Variants in ARHGAP32 observed in about 807,000 individuals in gnomAD.
The protein encoded by ARHGAP32 is Rho GTPase activating protein 32.
A neutral mutation model predicts 186.5 loss-of-function variants in ARHGAP32; 51 were observed. The observed-to-expected ratio is 0.27, with a 90% confidence interval of 0.22 to 0.35. The LOEUF is 0.35. Among genes scored for constraint, ARHGAP32 ranks in the 10% least tolerant of loss-of-function variants. The probability of loss-of-function intolerance (pLI) is 1.00; values close to 1 mark genes in which losing one functional copy is unlikely to be tolerated. For missense variants in ARHGAP32, 2,186 were observed against 2,623.5 expected (o/e 0.83, Z 3.64); for synonymous variants, 950 against 964.3 (o/e 0.99, Z 0.27).
rs1008447319 is a variant in ARHGAP32, at chr11:129,173,754, G to T, written c.117-9327C>A. 2.6e-5 allele frequency among the ~76,000 whole-genome samples: 4 copies of T among 152,108 alleles called. No individual in the cohort carries two copies. In the South Asian group the frequency reaches 6.2e-4, roughly 24 times the overall value. On this transcript the variant is annotated intron_variant, in intron 1 of 22. Coordinates refer to ENST00000682385, the MANE Select transcript of ARHGAP32 (RefSeq NM_001378024.1). ...CATAAATTCTTTAAAATATTTTAAT[G>T]AAAATTATTGAAAAACACAAATACA... is the stretch of plus-strand genomic sequence containing the variant.
chr11:129,176,874 G>T (rs1034397552), intron 1 of ARHGAP32, among the ~76,000 whole-genome samples: 1 of 152,138 alleles, frequency 6.6e-6, no homozygotes, highest in African/African-American at 2.4e-5. Context: ...ACAATTAAAA[G>T]AACTGGAAAA....
intron 5 of ARHGAP32, among the ~76,000 whole-genome samples, chr11:129,112,249 A>C (rs558581639): frequency 6.2e-4 from 94 of 152,026 alleles, no homozygotes; most frequent in Middle Eastern, 3.4e-3. Flanking sequence ...AAAAAAAAAA[A>C]ATTTCACCAT....
chr11:128,982,939 A>G (rs1945752621), intron 15 of ARHGAP32, among the ~76,000 whole-genome samples: 1 of 151,698 alleles, frequency 6.6e-6, no homozygotes, highest in African/African-American at 2.4e-5. Flanking sequence ...GGGAGACAGA[A>G]ATATAAGGCT....
intron 11 of ARHGAP32, among the ~76,000 whole-genome samples, chr11:129,017,311 G>A (rs12275117): frequency 0.023 from 3,460 of 151,924 alleles, 69 homozygotes; most frequent in African/African-American, 0.053. Context: ...AAAATTAGCC[G>A]GGTGTGGTGG....
chr11:128,980,569 C>G lies in ARHGAP32; in HGVS notation c.1960G>C (p.Glu654Gln), dbSNP rs562615972. The change falls in exon 18 of 23, where the codon GAG becomes CAG. Residue 654 changes from glutamate to glutamine, a missense_variant. This residue lies in a region of ARHGAP32 where 263 missense variants were observed against 323.5 expected (regional missense o/e 0.81). Coordinates refer to ENST00000682385, the MANE Select transcript of ARHGAP32 (RefSeq NM_001378024.1). ...AAATTTTACCTTTCAAGTGGGAACT[C>G]AATTATGGTATGAAATTTCCCCTGA... ...ALQGKFHTII[E>Q]FPLERKRPQN... The G allele has an allele frequency of 5.0e-6, 8 of 1,611,554 alleles. No individual in the cohort carries two copies. The South Asian group carries it at 8.8e-5, about 18-fold the overall frequency.
At chr11:129,255,419 A>G (rs1945242251) in intron 1 of ARHGAP32, among the ~76,000 whole-genome samples, 1 of 152,072 alleles carries the variant, frequency 6.6e-6, no homozygotes, top group Non-Finnish European at 1.5e-5. Context: ...AAAAGATAAA[A>G]CCATAAAGCT....
chr11:129,151,283 G>A (rs951117780), intron 2 of ARHGAP32, among the ~76,000 whole-genome samples: 3 of 151,974 alleles, frequency 2.0e-5, no homozygotes, highest in African/African-American at 7.3e-5. Context: ...AATAATAGTG[G>A]GGAAATTCAA....
chr11:129,225,301 G>A (rs1409809347), intron 1 of ARHGAP32, among the ~76,000 whole-genome samples: 1 of 152,158 alleles, frequency 6.6e-6, no homozygotes, highest in Non-Finnish European at 1.5e-5. Context: ...GTACAGGGCT[G>A]TGTGTATGCT....
At chr11:129,186,730 C>T (rs947088998) in intron 1 of ARHGAP32, among the ~76,000 whole-genome samples, 6 of 152,086 alleles carry the variant, frequency 3.9e-5, no homozygotes, top group Admixed American at 6.6e-5. Context: ...TCTCAAAAGA[C>T]GGCAACAAAT....
chr11:129,100,518 C>T (rs919583383), intron 5 of ARHGAP32, among the ~76,000 whole-genome samples: 2 of 152,184 alleles, frequency 1.3e-5, no homozygotes, highest in Non-Finnish European at 2.9e-5. Flanking sequence ...CTCCACACAT[C>T]ACTTTGCTGG....
intron 10 of ARHGAP32, among the ~76,000 whole-genome samples, chr11:129,053,018 G>A (rs1940115640): frequency 1.3e-5 from 2 of 152,070 alleles, no homozygotes; most frequent in South Asian, 4.2e-4. Context: ...GTTTTTACAT[G>A]TATACATATG....
In ARHGAP32 at chr11:129,192,291, G is replaced by C. The variant is rs1355707155; in HGVS notation, c.-93C>G. ...GTTCAGCTCTACTCATGTATACTCA[G>C]ATGTGTGTCTGGTGCCCTAGTGACA... On this transcript the variant is annotated 5_prime_UTR_variant, in exon 1 of 23. In the 5' UTR this introduces an upstream ATG that the reference lacks. Coordinates refer to ENST00000682385, the MANE Select transcript of ARHGAP32 (RefSeq NM_001378024.1). The C allele has an allele frequency of 3.5e-5, 29 of 838,428 alleles. No individual in the cohort carries two copies. In the South Asian group the frequency reaches 3.5e-4, roughly 10 times the overall value. The allele number at this position is 838,428 out of a possible 1,614,324, so 51.9% of individuals were successfully genotyped here. A position where few individuals can be genotyped will look rare whatever the true frequency, so the allele number is the denominator to read the frequency against.
At chr11:129,009,726 T>C (rs960368396) in intron 11 of ARHGAP32, among the ~76,000 whole-genome samples, 2 of 152,218 alleles carry the variant, frequency 1.3e-5, no homozygotes, top group South Asian at 4.1e-4. Context: ...TTTTTTAATC[T>C]AGTCTATCAC....
At chr11:129,244,284 T>C (rs1945057798) in intron 1 of ARHGAP32, among the ~76,000 whole-genome samples, 1 of 152,208 alleles carries the variant, frequency 6.6e-6, no homozygotes, top group South Asian at 2.1e-4. Context: ...TTTGTCAACA[T>C]TTAACACTAT....
chr11:128,972,738 G>C lies in ARHGAP32; in HGVS notation c.3768C>G (p.Ser1256Arg). The C allele has an allele frequency of 1.2e-6, 2 of 1,613,954 alleles. No individual in the cohort carries two copies. The highest frequency in any genetic ancestry group is 1.7e-6 in the Non-Finnish European group (2 of 1,180,018). ...DKSPTPPNLP[S>R]DKIYPPSGSP... ...ACCCAGAAGGAGGGTAGATTTTATC[G>C]CTAGGTAAATTAGGAGGTGTGGGAG... Residue 1256 changes from serine to arginine, a missense_variant, in exon 22 of 23, where the codon AGC (serine) becomes AGG (arginine). Ser to Arg is a moderately radical substitution (Grantham distance 110). This residue lies in a region of ARHGAP32 where 1,502 missense variants were observed against 1,570.0 expected (regional missense o/e 0.96). Coordinates refer to ENST00000682385, the MANE Select transcript of ARHGAP32 (RefSeq NM_001378024.1).
intron 1 of ARHGAP32, among the ~76,000 whole-genome samples, chr11:129,198,376 T>C (rs770638866): frequency 1.2e-4 from 19 of 152,232 alleles, no homozygotes; most frequent in Non-Finnish European, 2.8e-4. Context: ...AAGGTTTGGC[T>C]GTGTCCCCAC....
intron 1 of ARHGAP32, among the ~76,000 whole-genome samples, chr11:129,216,905 G>GT (rs1555113850): frequency 5.3e-5 from 8 of 150,292 alleles, no homozygotes; most frequent in African/African-American, 1.2e-4. Flanking sequence ...ATTTACTGAA[G>GT]TTTTTTTTTC....
chr11:129,131,391 G>A (rs575857962), intron 2 of ARHGAP32, among the ~76,000 whole-genome samples: 17 of 152,018 alleles, frequency 1.1e-4, no homozygotes, highest in Non-Finnish European at 1.6e-4. Flanking sequence ...GATAACTACG[G>A]AAACAATGAG....
intron 11 of ARHGAP32, among the ~76,000 whole-genome samples, chr11:129,021,369 G>A (rs1938586063): frequency 6.6e-6 from 1 of 151,940 alleles, no homozygotes; most frequent in African/African-American, 2.4e-5. Context: ...GCATACCAAT[G>A]GTTAACTAAA....
Sources: allele counts gnomAD v4.1 joint callset (sites outside exome capture counted in the v4.1 genomes callset), GRCh38; gene constraint gnomAD v4.1.1; regional missense constraint gnomAD v4.1.1; transcripts MANE v1.5; gene names NCBI Gene and HGNC (gene_info 2026-07-23, HGNC 2026-07-21).